The following HDAC4 variants were observed in gnomAD, a reference collection of about 807,000 sequenced individuals.
The protein encoded by HDAC4 is histone deacetylase 4.
A neutral mutation model predicts 135.1 loss-of-function variants in HDAC4; 16 were observed. The ratio of observed to expected loss-of-function variants is 0.12; its 90% CI spans 0.08 to 0.18. The LOEUF is 0.18. Ranked by LOEUF, HDAC4 falls within the 10% of genes least tolerant of loss-of-function variation. HDAC4 has a pLI of 1.00. For missense variants in HDAC4, 1,143 were observed against 1,511.8 expected (o/e 0.76, Z 4.05); for synonymous variants, 685 against 653.4 (o/e 1.05, Z -0.74).
chr2:239,378,439 G>A (rs911036964), intron 1 of HDAC4, among the ~76,000 whole-genome samples: 10 of 152,118 alleles, frequency 6.6e-5, no homozygotes, highest in African/African-American at 2.4e-4. Flanking sequence ...TTCTGACACT[G>A]CGCCAGGGCT....
At chr2:239,222,388 A>T (rs2047006200) in intron 3 of HDAC4, among the ~76,000 whole-genome samples, 1 of 152,236 alleles carries the variant, frequency 6.6e-6, no homozygotes, top group Non-Finnish European at 1.5e-5. Context: ...CCAGGAAGAA[A>T]AAAACATCTT....
chr2:239,298,099 A>C, intron 2 of HDAC4: 2 of 801,816 alleles, frequency 2.5e-6, no homozygotes, highest in Non-Finnish European at 3.7e-6. Flanking sequence ...AAAATATTTC[A>C]CAGGATAAAA....
chr2:239,259,065 T>C (rs796073801), intron 2 of HDAC4, among the ~76,000 whole-genome samples: 27 of 152,348 alleles, frequency 1.8e-4, no homozygotes, highest in African/African-American at 6.3e-4. Flanking sequence ...CAGGTACTGA[T>C]TCCTGACTTT....
chr2:239,235,345 C>A (rs1214416548), intron 3 of HDAC4, among the ~76,000 whole-genome samples: 1 of 152,230 alleles, frequency 6.6e-6, no homozygotes, highest in Non-Finnish European at 1.5e-5. Flanking sequence ...GAAATCTCTT[C>A]TTGGAAACGT....
At chr2:239,109,092 T>C (rs1317870994) in intron 14 of HDAC4, among the ~76,000 whole-genome samples, 1 of 152,178 alleles carries the variant, frequency 6.6e-6, no homozygotes, top group Admixed American at 6.5e-5. Context: ...CCCGGCCCCT[T>C]CTCACCAGGC....
At chr2:239,320,284 AG>A (rs1329922889) in intron 2 of HDAC4, among the ~76,000 whole-genome samples, 1 of 149,708 alleles carries the variant, frequency 6.7e-6, no homozygotes, top group Non-Finnish European at 1.5e-5. Context: ...CGGGAGGGTG[AG>A]GCAGGAGAAT....
chr2:239,096,092 G>A (rs138011364), intron 16 of HDAC4, among the ~76,000 whole-genome samples: 2,372 of 152,238 alleles, frequency 0.016, 28 homozygotes, highest in Non-Finnish European at 0.023. Flanking sequence ...TCTGGTCCAC[G>A]CTCCTAGGGC....
At chr2:239,223,972 G>A (rs1287294525) in intron 3 of HDAC4, among the ~76,000 whole-genome samples, 1 of 152,106 alleles carries the variant, frequency 6.6e-6, no homozygotes, top group African/African-American at 2.4e-5. Context: ...GCCCAGCGCA[G>A]GCCCCTCCCA....
intron 2 of HDAC4, among the ~76,000 whole-genome samples, chr2:239,237,063 AAC>A (rs1483971049): frequency 1.3e-5 from 2 of 152,172 alleles, no homozygotes; most frequent in African/African-American, 2.4e-5. Flanking sequence ...CGCTCACAGA[AAC>A]ACAGCACAGG....
At chr2:239,186,920 C>T (rs2044587191) in intron 4 of HDAC4, 1 of 152,338 alleles carries the variant, frequency 6.6e-6, no homozygotes, top group South Asian at 2.1e-4. Context: ...TCTACGTCGT[C>T]TTCTTGTAAA....
Position 239,290,581 on chromosome 2 carries a change from G to GCA in HDAC4, c.23-53919_23-53918dup, listed in dbSNP as rs59261643. 5.3e-3 allele frequency among the ~76,000 whole-genome samples: 801 copies of GCA among 150,738 alleles called. 4 individuals carry two copies. Among genetic ancestry groups the GCA allele is most frequent in the African/African-American group, 8.3e-3 (340 of 41,166 alleles). ...GGGCAAGCTCCTGAAATGGGAGTAG[G>GCA]CACACACACACACACACACAGGCAC... On this transcript the variant is annotated intron_variant, in intron 2 of 26. Coordinates refer to ENST00000543185, the MANE Select transcript of HDAC4 (RefSeq NM_001378414.1).
intron 24 of HDAC4, among the ~76,000 whole-genome samples, chr2:239,061,256 G>C (rs777397416): frequency 1.3e-5 from 2 of 151,786 alleles, no homozygotes; most frequent in Non-Finnish European, 2.9e-5. Context: ...GTGCATTCAT[G>C]AGTATGCACG....
At chr2:239,192,910 GA>G (rs1388175207) in intron 3 of HDAC4, among the ~76,000 whole-genome samples, 6 of 152,370 alleles carry the variant, frequency 3.9e-5, no homozygotes, top group African/African-American at 1.4e-4. Context: ...GATAAAGTTA[GA>G]AAAACAAAAT....
chr2:239,114,035 C>T (rs1182716779), intron 13 of HDAC4, among the ~76,000 whole-genome samples: 1 of 152,190 alleles, frequency 6.6e-6, no homozygotes, highest in African/African-American at 2.4e-5. Flanking sequence ...AGCACTGATC[C>T]CGTGTGTGGC....
At chr2:239,206,985 T>C (rs1280715051) in intron 3 of HDAC4, among the ~76,000 whole-genome samples, 1 of 152,196 alleles carries the variant, frequency 6.6e-6, no homozygotes, top group Non-Finnish European at 1.5e-5. Flanking sequence ...TCTGAAAGAC[T>C]GAGAGGCTGG....
rs1261601270 is a variant in HDAC4 at position 239,115,024 on chromosome 2, C to T, written c.1791+29G>A. 4 of 1,605,922 alleles carry T rather than the reference C, an allele frequency of 2.5e-6. No homozygotes were observed. In the East Asian group the frequency reaches 8.9e-5, roughly 36 times the overall value. ...ACCGAGGGTGGCTGTGCGTGCCAGC[C>T]TTCTGGTGCCCTCCCCGCCTGCGGT... On this transcript the variant is annotated intron_variant, in intron 13 of 26. Transcript: ENST00000543185. The surrounding 1 kb of genome is among the most constrained non-coding windows in gnomAD (Gnocchi z 6.3).
chr2:239,108,854 C>T (rs1362796026), intron 14 of HDAC4, among the ~76,000 whole-genome samples: 1 of 152,248 alleles, frequency 6.6e-6, no homozygotes, highest in Non-Finnish European at 1.5e-5. Context: ...GACGGGCCCC[C>T]AGGGTGCGGC....
At chr2:239,278,177 G>C (rs1181355739) in intron 2 of HDAC4, among the ~76,000 whole-genome samples, 1 of 103,478 alleles carries the variant, frequency 9.7e-6, no homozygotes, top group African/African-American at 4.3e-5. Flanking sequence ...CCCACCATTA[G>C]AGAAAAAAAG....
intron 2 of HDAC4, among the ~76,000 whole-genome samples, chr2:239,246,452 T>A (rs1317539280): frequency 2.0e-5 from 3 of 152,186 alleles, no homozygotes; most frequent in Non-Finnish European, 4.4e-5. Flanking sequence ...GGGGGCTGAA[T>A]GGGGCTGTCC....
Sources: gnomAD v4.1 joint callset for allele counts (sites outside exome capture counted in the v4.1 genomes callset) on GRCh38, gnomAD v4.1.1 for gene constraint, Gnocchi (gnomAD v3.1) non-coding constraint, MANE v1.5 for transcripts, NCBI Gene and HGNC (gene_info 2026-07-23, HGNC 2026-07-21) for gene names.